The following MAGEC3 variants were observed in gnomAD, a reference collection of about 807,000 sequenced individuals.
MAGEC3 encodes the protein MAGE family member C3, also known as melanoma-associated antigen C3.
A neutral mutation model predicts 35.3 loss-of-function variants in MAGEC3; 34 were observed. The observed-to-expected ratio is 0.96, with a 90% CI of 0.73 to 1.28. The LOEUF (loss-of-function observed/expected upper bound fraction) is 1.28, where lower values mean the gene tolerates loss of function less well. Among genes scored for constraint, MAGEC3 ranks in the 50% most tolerant of loss-of-function variants. The pLI is 0.00. For missense variants in MAGEC3, 561 were observed against 483.6 expected (o/e 1.16, Z -1.50); for synonymous variants, 202 against 185.6 (o/e 1.09, Z -0.72).
At chrX:141,841,063 T>G (rs2017682817) in intron 1 of MAGEC3, among the ~76,000 whole-genome samples, 1 of 111,267 alleles carries the variant, frequency 9.0e-6, no homozygotes, top group African/African-American at 3.3e-5. Context: ...CTGCTTTTCC[T>G]TCTCACTTCT....
chrX:141,888,259 G>A (rs1039857747), intron 4 of MAGEC3, among the ~76,000 whole-genome samples: 1 of 112,230 alleles, frequency 8.9e-6, no homozygotes, highest in African/African-American at 3.2e-5. Context: ...AAAGTGGACA[G>A]CTGCAGCACT....
chrX:141,851,979 A>G (rs2017753215), intron 1 of MAGEC3, among the ~76,000 whole-genome samples: 1 of 110,693 alleles, frequency 9.0e-6, no homozygotes, highest in Admixed American at 9.7e-5. Context: ...GCAAAAATTG[A>G]CAGTTTGAAT....
chrX:141,854,653 T>C (rs1450214315), intron 1 of MAGEC3, among the ~76,000 whole-genome samples: 2 of 111,406 alleles, frequency 1.8e-5, no homozygotes, highest in African/African-American at 6.5e-5. Flanking sequence ...TCCATGATTG[T>C]GAGGCTTCCC....
At chrX:141,858,942 A>C (rs1293688977) in intron 1 of MAGEC3, among the ~76,000 whole-genome samples, 1 of 110,877 alleles carries the variant, frequency 9.0e-6, no homozygotes, top group African/African-American at 3.3e-5. Flanking sequence ...AGATTAGCCT[A>C]GCTTGTGGAA....
At chrX:141,880,778 C>G (rs529141295) in intron 3 of MAGEC3, 2 of 977,980 alleles carry the variant, frequency 2.0e-6, no homozygotes, top group South Asian at 4.1e-5. Context: ...GACAAACCCC[C>G]TAGGATGGCA....
At chrX:141,871,608 C>T (rs1258473375) in intron 2 of MAGEC3, among the ~76,000 whole-genome samples, 2 of 111,389 alleles carry the variant, frequency 1.8e-5, no homozygotes, top group Non-Finnish European at 3.8e-5. Flanking sequence ...TTTTAACAGG[C>T]GGAGGTTAGA....
At chrX:141,854,243 G>C (rs186896637) in intron 1 of MAGEC3, among the ~76,000 whole-genome samples, 1 of 111,018 alleles carries the variant, frequency 9.0e-6, no homozygotes, top group Admixed American at 9.6e-5. Flanking sequence ...TTTATGGTAT[G>C]TCCTATGAAG....
At chrX:141,857,112 A>G (rs1475315545) in intron 1 of MAGEC3, among the ~76,000 whole-genome samples, 2 of 110,612 alleles carry the variant, frequency 1.8e-5, no homozygotes, top group Admixed American at 1.9e-4. Context: ...CGACCCTTTT[A>G]TGTGCTTAAA....
chrX:141,893,528 T>A (rs1365416958), intron 4 of MAGEC3, among the ~76,000 whole-genome samples: 1 of 109,796 alleles, frequency 9.1e-6, no homozygotes, highest in East Asian at 2.9e-4. Flanking sequence ...ATCCCCAACG[T>A]TGAGTGATTC....
intron 6 of MAGEC3, among the ~76,000 whole-genome samples, 160 bp downstream of exon 6, chrX:141,895,719 G>GGGGGAGGGGTGGA (rs1414914037): frequency 1.0e-3 from 108 of 106,982 alleles, no homozygotes; most frequent in African/African-American, 2.7e-3. Context: ...TCTCATTGCT[G>GGGGGAGGGGTGGA]GGGGAGGGGT....
At chrX:141,843,440 T>C (rs2017697789) in intron 1 of MAGEC3, among the ~76,000 whole-genome samples, 1 of 111,842 alleles carries the variant, frequency 8.9e-6, no homozygotes, top group South Asian at 3.7e-4. Flanking sequence ...ATTTTTGTAT[T>C]GTTTCTGACT....
chrX:141,895,421 G>T lies in MAGEC3; in HGVS notation c.1048+14G>T, dbSNP rs1874011265. 29 of 1,208,413 alleles carry T rather than the reference G, an allele frequency of 2.4e-5. No homozygotes were observed. Among genetic ancestry groups the T allele is most frequent in the Non-Finnish European group, 3.2e-5 (29 of 894,716 alleles). ...CCAATCCTCAAGGTAAGGGCCCTAAGGGAGAACTGAGGGACTTCGCACCAA... is the reference window on the plus strand; with the variant it reads ...CCAATCCTCAAGGTAAGGGCCCTAATGGAGAACTGAGGGACTTCGCACCAA... On this transcript the variant is annotated intron_variant, in intron 5 of 7. Coordinates refer to ENST00000298296, the MANE Select transcript of MAGEC3 (RefSeq NM_138702.1).
At chrX:141,889,889 G>A (rs751791160) in intron 4 of MAGEC3, among the ~76,000 whole-genome samples, 37 of 112,522 alleles carry the variant, frequency 3.3e-4, no homozygotes, top group Admixed American at 1.7e-3. Flanking sequence ...GCAGAAACGA[G>A]GACTGTAATT....
intron 1 of MAGEC3, among the ~76,000 whole-genome samples, chrX:141,864,232 T>A (rs2017833373): frequency 9.5e-6 from 1 of 104,987 alleles, no homozygotes; most frequent in Admixed American, 1.1e-4. Context: ...ATAATCCCAG[T>A]GCTCTGGGTA....
intron 1 of MAGEC3, among the ~76,000 whole-genome samples, chrX:141,853,563 T>C (rs2017763506): frequency 1.8e-5 from 2 of 112,184 alleles, no homozygotes; most frequent in Admixed American, 1.9e-4. Flanking sequence ...AAGAAAATTA[T>C]ATTTTTCTGC....
At chrX:141,895,205 G>A (rs1190494995) in intron 4 of MAGEC3, 64 bp from the exon 5 acceptor site, 14 of 1,109,634 alleles carry the variant, frequency 1.3e-5, no homozygotes, top group Middle Eastern at 5.7e-4. Flanking sequence ...GGAAGGAGGC[G>A]GAGAGGTGGG....
chrX:141,853,391 T>A (rs1055955193), intron 1 of MAGEC3, among the ~76,000 whole-genome samples: 1 of 111,462 alleles, frequency 9.0e-6, no homozygotes, highest in Non-Finnish European at 1.9e-5. Flanking sequence ...GGGAGTATTT[T>A]GGTGCAGATT....
chrX:141,872,858 G>A (rs1006605367), intron 2 of MAGEC3, among the ~76,000 whole-genome samples: 14 of 111,836 alleles, frequency 1.3e-4, no homozygotes, highest in Admixed American at 6.6e-4. Flanking sequence ...TCCTCCTCAC[G>A]CAAATCACTT....
intron 1 of MAGEC3, among the ~76,000 whole-genome samples, chrX:141,842,730 C>CTTCTTCT (rs2017693235): frequency 8.9e-6 from 1 of 111,793 alleles, no homozygotes; most frequent in African/African-American, 3.2e-5. Context: ...TTCTAGCCCA[C>CTTCTTCT]ACAGTGAATC....
Sources: gnomAD v4.1 joint callset for allele counts (sites outside exome capture counted in the v4.1 genomes callset) on GRCh38, gnomAD v4.1.1 for gene constraint, MANE v1.5 for transcripts, NCBI Gene and HGNC (gene_info 2026-07-23, HGNC 2026-07-21) for gene names.